Variants in SLC5A10 observed in about 807,000 individuals in gnomAD.
SLC5A10 encodes the protein sodium/mannose cotransporter SLC5A10.
Under a neutral mutation model 68.9 loss-of-function variants are expected in SLC5A10, and 55 were observed. That is an observed-to-expected ratio of 0.80 (90% CI 0.64 to 1.00). The LOEUF (loss-of-function observed/expected upper bound fraction) is 1.00, where lower values mean the gene tolerates loss of function less well. SLC5A10 is among the 50% of genes least tolerant of loss of function. The pLI is 0.00. For missense variants in SLC5A10, 732 were observed against 819.3 expected (o/e 0.89, Z 1.30); for synonymous variants, 344 against 344.8 (o/e 1.00, Z 0.02).
In SLC5A10 at chr17:19,004,642, C is replaced by G. The variant is rs1174744699; in HGVS notation, c.983-8768C>G. On this transcript the variant is annotated intron_variant, in intron 9 of 14. Coordinates refer to ENST00000395645, the MANE Select transcript of SLC5A10 (RefSeq NM_001042450.4). The surrounding 1 kb of genome is among the most constrained non-coding windows in gnomAD (Gnocchi z 5.4). Reference sequence around the variant, plus strand: ...GGGAGGGGTCCAGGAGACCCAGAAACGCGGTTGCGGGGCGGCGACGCCCCG... The same window carrying G: ...GGGAGGGGTCCAGGAGACCCAGAAAGGCGGTTGCGGGGCGGCGACGCCCCG... The G allele has an allele frequency of 6.6e-6, 1 of 151,922 alleles. No individual in the cohort carries two copies. Among genetic ancestry groups the G allele is most frequent in the African/African-American group, 2.4e-5 (1 of 41,412 alleles). 9.4% of individuals were successfully genotyped at this position (151,922 alleles called of 1,614,324 possible). A position where few individuals can be genotyped will look rare whatever the true frequency, so the allele number is the denominator to read the frequency against.
chr17:18,973,170 G>A (rs1034693306), intron 8 of SLC5A10, among the ~76,000 whole-genome samples: 4 of 152,236 alleles, frequency 2.6e-5, no homozygotes, highest in Non-Finnish European at 5.9e-5. Flanking sequence ...ACCCTGCCAG[G>A]CTGAGCCCCT....
chr17:19,020,275 TG>T, intron 14 of SLC5A10, 49 bp from the exon 15 acceptor site: 1 of 1,613,268 alleles, frequency 6.2e-7, no homozygotes, highest in Non-Finnish European at 8.5e-7. Flanking sequence ...GGGCACCAGG[TG>T]TAACCTTGTG....
At chr17:18,977,448 A>G (rs1027344497) in intron 9 of SLC5A10, 2 of 896,258 alleles carry the variant, frequency 2.2e-6, no homozygotes, top group Non-Finnish European at 1.7e-6. Flanking sequence ...CTGTTCATCA[A>G]GTTTCCCCAT....
At chr17:18,976,162 T>TG (rs2042972386) in intron 8 of SLC5A10, 1 of 108,968 alleles carries the variant, frequency 9.2e-6, no homozygotes, top group Non-Finnish European at 1.8e-5. Context: ...CACTCCAGCC[T>TG]GGGCGACAGA....
intron 1 of SLC5A10, among the ~76,000 whole-genome samples, chr17:18,952,674 C>T (rs7216663): frequency 6.6e-6 from 1 of 152,020 alleles, no homozygotes; most frequent in Admixed American, 6.5e-5. Context: ...ACAGGCTCCC[C>T]GGGATTCCCT....
At chr17:19,002,053 C>T (rs1265615807) in intron 9 of SLC5A10, among the ~76,000 whole-genome samples, 1 of 152,208 alleles carries the variant, frequency 6.6e-6, no homozygotes, top group Non-Finnish European at 1.5e-5. Context: ...AGCACTTCCT[C>T]CACACCACAG....
In SLC5A10 at chr17:18,971,544, G is replaced by A; in HGVS notation, c.846+326G>A. 1.2e-6 allele frequency: 2 copies of A among 1,613,954 alleles called. No individual in the cohort carries two copies. Among genetic ancestry groups the A allele is most frequent in the South Asian group, 2.2e-5 (2 of 91,082 alleles). ...GTCATGGGGCGGGCATTTTGGGCCA[G>A]TCTTGGGCTGCCGGGATCCGGAAGC... is the stretch of plus-strand genomic sequence containing the variant. On this transcript the variant is annotated intron_variant, in intron 8 of 14. Transcript: ENST00000395645. The surrounding 1 kb of genome is among the most constrained non-coding windows in gnomAD (Gnocchi z 5.5).
At chr17:18,952,018 C>G, upstream of SLC5A10, 1 of 924,954 alleles carries the variant, frequency 1.1e-6, no homozygotes, top group Non-Finnish European at 1.5e-6. Flanking sequence ...GATCTGCACC[C>G]CACCATGGGG....
chr17:18,994,204 T>TA (rs1410833498), intron 9 of SLC5A10, among the ~76,000 whole-genome samples: 1 of 152,084 alleles, frequency 6.6e-6, no homozygotes, highest in Non-Finnish European at 1.5e-5. Context: ...GCCTTAGCAA[T>TA]AAAAAACCCG....
intron 1 of SLC5A10, 125 bp downstream of exon 1, chr17:18,952,441 G>A: frequency 1.7e-6 from 2 of 1,202,770 alleles, no homozygotes; most frequent in South Asian, 3.1e-5. Context: ...AGTGATCCTT[G>A]TGGTCCTCCT....
rs1486925702 is a variant in SLC5A10, at chr17:18,969,265, G to A, written c.560-77G>A. 3.2e-6 allele frequency: 5 copies of A among 1,581,388 alleles called. No individual in the cohort carries two copies. In the African/African-American group the frequency reaches 6.7e-5, roughly 21 times the overall value. ...GCAGCCCAGGAAGTGGCCCCAGCAG[G>A]AGCCCCAGAAGTTCCTCCCCGTGTC... On this transcript the variant is annotated intron_variant, in intron 6 of 14. Coordinates refer to ENST00000395645, the MANE Select transcript of SLC5A10 (RefSeq NM_001042450.4).
chr17:19,003,571 C>A lies in SLC5A10; in HGVS notation c.983-9839C>A. ...GCACCACCTCTTTGATGTGGGCCTG[C>A]CCGTCTATGGGGGGCTGCATGTAGA... On this transcript the variant is annotated intron_variant, in intron 9 of 14. Transcript: ENST00000395645. The surrounding 1 kb of genome is among the most constrained non-coding windows in gnomAD (Gnocchi z 4.5). 6.3e-7 allele frequency: 1 copy of A among 1,583,932 alleles called. No individual in the cohort carries two copies. The highest frequency in any genetic ancestry group is 1.4e-5 in the African/African-American group (1 of 73,876).
intron 5 of SLC5A10, among the ~76,000 whole-genome samples, chr17:18,961,069 T>G (rs946882698): frequency 4.6e-5 from 7 of 152,212 alleles, no homozygotes; most frequent in Non-Finnish European, 8.8e-5. Flanking sequence ...ACCCCAAGGC[T>G]GGTGGGCTCC....
rs749187702 is a variant in SLC5A10 at position 19,003,709 on chromosome 17, G to C, written c.983-9701G>C. 5.7e-5 allele frequency: 91 copies of C among 1,605,026 alleles called. No homozygotes were observed. Among genetic ancestry groups the C allele is most frequent in the Middle Eastern group, 5.0e-4 (3 of 6,036 alleles). ...AGTACTCCAGGGAGGGCAGCGGCTC[G>C]GCCTCGATGGGGACCCCATCCGCCC... On this transcript the variant is annotated intron_variant, in intron 9 of 14. Coordinates refer to ENST00000395645, the MANE Select transcript of SLC5A10 (RefSeq NM_001042450.4). This position sits in a 1 kb window ranked among gnomAD's most constrained non-coding sequence, Gnocchi z 4.5.
In SLC5A10 at chr17:18,978,045, G is replaced by T. The variant is rs749381056; in HGVS notation, c.982+1056G>T. On this transcript the variant is annotated intron_variant, in intron 9 of 14. Coordinates refer to ENST00000395645, the MANE Select transcript of SLC5A10 (RefSeq NM_001042450.4). ...GGGCCTGCCATCCTGGGTAGCCTATGGTCTGTCCCATTCTGGGGAGCTTCC... is the reference window on the plus strand; with the variant it reads ...GGGCCTGCCATCCTGGGTAGCCTATTGTCTGTCCCATTCTGGGGAGCTTCC... 2.6e-6 allele frequency: 4 copies of T among 1,528,688 alleles called. No homozygotes were observed. The South Asian group carries it at 5.2e-5, about 20-fold the overall frequency. 94.7% of individuals were successfully genotyped at this position (1,528,688 alleles called of 1,614,324 possible).
At chr17:19,002,086 G>T (rs990606811) in intron 9 of SLC5A10, among the ~76,000 whole-genome samples, 1 of 152,096 alleles carries the variant, frequency 6.6e-6, no homozygotes, top group Non-Finnish European at 1.5e-5. Context: ...GGGTCTCTCA[G>T]TCTGCAAACT....
intron 11 of SLC5A10, among the ~76,000 whole-genome samples, chr17:19,016,874 A>G (rs969540871): frequency 1.3e-5 from 2 of 152,118 alleles, no homozygotes; most frequent in Non-Finnish European, 2.9e-5. Flanking sequence ...ATGCTCCAGC[A>G]TCCTGGGCCC....
intron 9 of SLC5A10, among the ~76,000 whole-genome samples, chr17:18,992,366 G>A (rs2043448957): frequency 1.3e-5 from 2 of 152,122 alleles, no homozygotes; most frequent in Non-Finnish European, 2.9e-5. Context: ...GATCCCCAGT[G>A]CCCTGCCAGG....
intron 8 of SLC5A10, chr17:18,976,187 C>CAAAAAAAAAAAAAAT (rs58133737): frequency 9.2e-6 from 1 of 108,466 alleles, no homozygotes; most frequent in African/African-American, 3.5e-5. Flanking sequence ...GACTCCGACT[C>CAAAAAAAAAAAAAAT]AAAAAAAAAG....
Sources: allele counts gnomAD v4.1 joint callset (sites outside exome capture counted in the v4.1 genomes callset), GRCh38; gene constraint gnomAD v4.1.1; non-coding constraint Gnocchi (gnomAD v3.1); transcripts MANE v1.5; gene names NCBI Gene and HGNC (gene_info 2026-07-23, HGNC 2026-07-21).